The following SV2C variants were observed in gnomAD, a reference collection of about 807,000 sequenced individuals.
SV2C encodes solute carrier family 22 member B3.
Under a neutral mutation model 79.7 loss-of-function variants are expected in SV2C, and 49 were observed. The ratio of observed to expected loss-of-function variants is 0.61; its 90% confidence interval spans 0.49 to 0.78. SV2C has a LOEUF of 0.78. Among genes scored for constraint, SV2C ranks in the 30% least tolerant of loss-of-function variants. The pLI is 0.00. For synonymous variants in SV2C, 334 were observed against 333.2 expected (o/e 1.00, Z -0.03); for missense variants, 833 against 912.9 (o/e 0.91, Z 1.13).
At chr5:76,138,260 A>G (rs1459295906) in intron 2 of SV2C, among the ~76,000 whole-genome samples, 2 of 152,332 alleles carry the variant, frequency 1.3e-5, no homozygotes, top group East Asian at 1.9e-4. Flanking sequence ...TCTGGAACAC[A>G]TATACCAACT....
the SV2C span, among the ~76,000 whole-genome samples, chr5:75,977,364 T>C: frequency 2.6e-3 from 401 of 152,312 alleles, no homozygotes; most frequent in Non-Finnish European, 4.1e-3. Flanking sequence ...GGAAGTAACT[T>C]TGTAACCACC....
chr5:75,898,246 A>G, the SV2C span, among the ~76,000 whole-genome samples: 4 of 152,214 alleles, frequency 2.6e-5, no homozygotes, highest in Non-Finnish European at 4.4e-5. Context: ...ACGTCCCATC[A>G]ATATCTATTT....
chr5:76,245,180 T>C (rs924461639), intron 4 of SV2C, among the ~76,000 whole-genome samples: 1 of 152,198 alleles, frequency 6.6e-6, no homozygotes, highest in Non-Finnish European at 1.5e-5. Context: ...CCCCCGAGTT[T>C]ATAAACTTCA....
the SV2C span, among the ~76,000 whole-genome samples, chr5:75,996,544 G>T: frequency 6.6e-6 from 1 of 152,098 alleles, no homozygotes; most frequent in Non-Finnish European, 1.5e-5. Flanking sequence ...GCTTGATGGG[G>T]ATGGCATTGA....
downstream of SV2C, among the ~76,000 whole-genome samples, chr5:76,338,703 G>A (rs571904098): frequency 2.7e-5 from 4 of 148,944 alleles, no homozygotes; most frequent in African/African-American, 5.0e-5. Context: ...TGTCACCCAG[G>A]CTGGAGTGCA....
chr5:76,131,110 A>G (rs925379602), intron 1 of SV2C, among the ~76,000 whole-genome samples: 2 of 152,180 alleles, frequency 1.3e-5, no homozygotes, highest in African/African-American at 4.8e-5. Context: ...GGAAGGAAAC[A>G]CAATGTTAAG....
At chr5:75,863,971 A>T in the SV2C span, among the ~76,000 whole-genome samples, 1 of 152,234 alleles carries the variant, frequency 6.6e-6, no homozygotes, top group Non-Finnish European at 1.5e-5. Flanking sequence ...TATTACATAA[A>T]GGAAGCAGGT....
downstream of SV2C, among the ~76,000 whole-genome samples, chr5:76,336,337 C>T (rs1164785363): frequency 1.3e-5 from 2 of 151,818 alleles, no homozygotes; most frequent in Admixed American, 1.3e-4. Flanking sequence ...GAGGGGATGG[C>T]GGCTGGGAAG....
chr5:76,165,406 A>G (rs901175911), intron 2 of SV2C, among the ~76,000 whole-genome samples: 2 of 152,044 alleles, frequency 1.3e-5, no homozygotes, highest in Non-Finnish European at 2.9e-5. Flanking sequence ...GTTTTATCAC[A>G]TATGTAGATT....
chr5:76,268,410 A>G (rs1255108031), intron 4 of SV2C, among the ~76,000 whole-genome samples: 3 of 152,084 alleles, frequency 2.0e-5, no homozygotes, highest in Non-Finnish European at 4.4e-5. Flanking sequence ...CCTGAAGAGA[A>G]CACTGATTCC....
At chr5:76,335,258 A>C (rs1408293195), downstream of SV2C, among the ~76,000 whole-genome samples, 1 of 151,996 alleles carries the variant, frequency 6.6e-6, no homozygotes, top group South Asian at 2.1e-4. Flanking sequence ...TCTCTCCCCC[A>C]GCTAGATCCT....
At chr5:76,134,234 C>T (rs906098257) in intron 2 of SV2C, among the ~76,000 whole-genome samples, 1 of 152,172 alleles carries the variant, frequency 6.6e-6, no homozygotes, top group Non-Finnish European at 1.5e-5. Flanking sequence ...AAAAATATGT[C>T]CCCAGGAGTG....
chr5:75,871,439 G>C, the SV2C span, among the ~76,000 whole-genome samples: 2 of 152,088 alleles, frequency 1.3e-5, no homozygotes, highest in South Asian at 2.1e-4. Flanking sequence ...ATTTGCAAGT[G>C]ATAAGACTGT....
chr5:76,050,807 A>T, the SV2C span, among the ~76,000 whole-genome samples: 1 of 152,220 alleles, frequency 6.6e-6, no homozygotes, highest in African/African-American at 2.4e-5. Flanking sequence ...AACAGAGTAA[A>T]GCCAAGATGA....
At chr5:75,957,519 T>C in the SV2C span, among the ~76,000 whole-genome samples, 243 of 152,124 alleles carry the variant, frequency 1.6e-3, 1 homozygote, top group Admixed American at 0.015. Context: ...TCCCCTTGAA[T>C]GGATAGCAGT....
intron 4 of SV2C, among the ~76,000 whole-genome samples, chr5:76,262,848 C>T (rs565801250): frequency 6.6e-6 from 1 of 152,046 alleles, no homozygotes; most frequent in East Asian, 1.9e-4. Context: ...GTTTTACTTC[C>T]AATTATGTGG....
the SV2C span, among the ~76,000 whole-genome samples, chr5:75,944,475 C>G: frequency 1.3e-5 from 2 of 152,006 alleles, no homozygotes; most frequent in African/African-American, 4.8e-5. Flanking sequence ...AGACTACAGC[C>G]TATCTCTCCC....
intron 12 of SV2C, among the ~76,000 whole-genome samples, chr5:76,344,374 G>C (rs1749498387): frequency 6.6e-6 from 1 of 152,136 alleles, no homozygotes; most frequent in Admixed American, 6.5e-5. Flanking sequence ...CCATCTACGA[G>C]ACTTGGTGCT....
At chr5:75,854,498 G>T in the SV2C span, among the ~76,000 whole-genome samples, 52 of 152,132 alleles carry the variant, frequency 3.4e-4, no homozygotes, top group Non-Finnish European at 6.3e-4. Context: ...TTCTCATATT[G>T]GTCATTCAAG....
Sources: gnomAD v4.1 joint callset for allele counts (sites outside exome capture counted in the v4.1 genomes callset) on GRCh38, gnomAD v4.1.1 for gene constraint, MANE v1.5 for transcripts, NCBI Gene and HGNC (gene_info 2026-07-23, HGNC 2026-07-21) for gene names.